IL23R: variants seen among roughly 807,000 people sequenced by gnomAD.
IL23R encodes the protein interleukin 23 receptor.
In IL23R, 34 loss-of-function variants were observed where a neutral mutation model predicts 56.9. That is an observed-to-expected ratio of 0.60 (90% confidence interval 0.45 to 0.80). IL23R has a LOEUF of 0.80. Among genes scored for constraint, IL23R ranks in the 30% least tolerant of loss-of-function variants. IL23R has a pLI of 0.00. For synonymous variants in IL23R, 230 were observed against 249.2 expected, an observed-to-expected ratio of 0.92 and a Z score of 0.73; for missense variants, 635 against 730.0, an observed-to-expected ratio of 0.87 and a Z score of 1.50.
rs188294521 is a variant in IL23R at position 67,238,615 on chromosome 1, G to A, written c.1046-1564G>A. Among the ~76,000 whole-genome samples, 46 of 152,188 alleles carry A rather than the reference G, an allele frequency of 3.0e-4. 1 individual carries two copies. Among genetic ancestry groups the A allele is most frequent in the African/African-American group, 1.1e-3 (45 of 41,518 alleles). On this transcript the variant is annotated intron_variant, in intron 8 of 10. Transcript: ENST00000347310. ...AGCAAGTTCATAATTATGCCCCAAG[G>A]TCACAGAGCTGATAAGAGGCAGAGT...
At chr1:67,176,857 T>C (rs934516796) in intron 3 of IL23R, among the ~76,000 whole-genome samples, 1 of 152,164 alleles carries the variant, frequency 6.6e-6, no homozygotes, top group African/African-American at 2.4e-5. Flanking sequence ...CATTGTTCAG[T>C]TCCCACCTAT....
intron 4 of IL23R, among the ~76,000 whole-genome samples, chr1:67,190,200 T>C (rs1384633357): frequency 3.9e-5 from 6 of 152,220 alleles, no homozygotes; most frequent in Non-Finnish European, 8.8e-5. Context: ...TGAGACCACC[T>C]ACTCATTTCT....
At chr1:67,227,129 C>A (rs1039832218) in intron 7 of IL23R, among the ~76,000 whole-genome samples, 2 of 152,070 alleles carry the variant, frequency 1.3e-5, no homozygotes, top group African/African-American at 4.8e-5. Context: ...GGAAAGAGCC[C>A]CAAAGGGGAA....
chr1:67,183,076 T>A (rs554677996), intron 4 of IL23R, 117 bp downstream of exon 4: 3 of 1,148,332 alleles, frequency 2.6e-6, no homozygotes, highest in Non-Finnish European at 3.8e-6. Flanking sequence ...CCCTGATTTA[T>A]CCCTTATTTC....
chr1:67,239,326 C>T (rs1163464962), intron 8 of IL23R, among the ~76,000 whole-genome samples: 10 of 152,164 alleles, frequency 6.6e-5, no homozygotes, highest in East Asian at 1.9e-4. Flanking sequence ...TGCAGCGGCA[C>T]GACCTCAGCT....
At chr1:67,206,350 G>A (rs572470179) in intron 5 of IL23R, among the ~76,000 whole-genome samples, 63 of 151,606 alleles carry the variant, frequency 4.2e-4, no homozygotes, top group East Asian at 1.4e-3. Context: ...TCATTCTGTC[G>A]TCCAGGGTGG....
intron 7 of IL23R, among the ~76,000 whole-genome samples, chr1:67,235,454 C>T (rs1651412751): frequency 6.6e-6 from 1 of 151,096 alleles, no homozygotes; most frequent in Non-Finnish European, 1.5e-5. Context: ...AGTGCTATGG[C>T]ACGATCTAGA....
chr1:67,219,611 A>T lies in IL23R; in HGVS notation c.836A>T (p.Gln279Leu), dbSNP rs1650110583. 2.5e-6 allele frequency: 4 copies of T among 1,614,106 alleles called. No homozygotes were observed. The East Asian group carries it at 8.9e-5, about 36-fold the overall frequency. Residue 279 changes from glutamine (Q) to leucine (L), a missense_variant, in exon 7 of 11, where the codon CAG (glutamine) becomes CTG (leucine). Transcript: ENST00000347310. Reference sequence around the variant, plus strand: ...GACACCAATTTTACATATGTGCAACAGTCAGAATTCTACTTGGAGCCAAAC... The same window carrying T: ...GACACCAATTTTACATATGTGCAACTGTCAGAATTCTACTTGGAGCCAAAC... ...EFDTNFTYVQ[Q>L]SEFYLEPNIK...
chr1:67,210,845 T>C (rs1649421686), intron 6 of IL23R, among the ~76,000 whole-genome samples: 1 of 152,204 alleles, frequency 6.6e-6, no homozygotes, highest in Non-Finnish European at 1.5e-5. Context: ...TAAAGTGATA[T>C]GTATTTAACA....
chr1:67,178,686 C>T (rs10789227), intron 3 of IL23R, among the ~76,000 whole-genome samples: 134,377 of 152,236 alleles, frequency 0.88, 59,366 homozygotes, highest in East Asian at 1. Context: ...AGGGCATCCC[C>T]ATCTTGTGCC....
At chr1:67,241,619 G>A (rs1651860747) in intron 9 of IL23R, among the ~76,000 whole-genome samples, 1 of 152,114 alleles carries the variant, frequency 6.6e-6, no homozygotes, top group Admixed American at 6.5e-5. Flanking sequence ...CATAGGTTAT[G>A]GTGTCCTGAT....
intron 1 of IL23R, among the ~76,000 whole-genome samples, chr1:67,157,806 TG>T (rs565532889): frequency 3.1e-4 from 47 of 152,386 alleles, no homozygotes; most frequent in Admixed American, 3.0e-3. Flanking sequence ...TTTTACTTTC[TG>T]TCTCTCTTCT....
At chr1:67,196,143 T>G (rs181642586) in intron 4 of IL23R, 152 of 152,426 alleles carry the variant, frequency 1.0e-3, no homozygotes, top group African/African-American at 3.5e-3. Flanking sequence ...GGTTAGAGTC[T>G]GCCTCAACAG....
intron 3 of IL23R, among the ~76,000 whole-genome samples, chr1:67,175,691 T>A (rs1405925837): frequency 1.3e-5 from 2 of 152,224 alleles, no homozygotes; most frequent in African/African-American, 2.4e-5. Context: ...CTGAGTAATA[T>A]CTTATTGCAT....
chr1:67,165,448 G>A (rs763124370), upstream of IL23R, among the ~76,000 whole-genome samples: 1 of 152,138 alleles, frequency 6.6e-6, no homozygotes, highest in Non-Finnish European at 1.5e-5. Context: ...TTAGGATCCA[G>A]CAATCCCTCT....
In IL23R at chr1:67,240,216, C is replaced by T. The variant is rs777710668; in HGVS notation, c.1083C>T (p.Ile361=). The change falls in exon 9 of 11, where the codon ATC becomes ATT. Residue 361 remains isoleucine (I), a synonymous_variant. Coordinates refer to ENST00000347310, the MANE Select transcript of IL23R (RefSeq NM_144701.3). ...ACATTGGACTTTTATTGGGAATGAT[C>T]GTCTTTGCTGTTATGTTGTCAATTC... ...RGDIGLLLGM[I]VFAVMLSILS... is the part of the protein sequence containing the mutation. 2 of 1,612,564 alleles carry T rather than the reference C, an allele frequency of 1.2e-6. No individual in the cohort carries two copies. Among genetic ancestry groups the T allele is most frequent in the South Asian group, 1.1e-5 (1 of 91,036 alleles).
chr1:67,179,691 G>A (rs897691564), intron 3 of IL23R, among the ~76,000 whole-genome samples: 3 of 152,092 alleles, frequency 2.0e-5, no homozygotes, highest in African/African-American at 7.2e-5. Context: ...TGCTTCTCCA[G>A]TTCTTTTAAT....
intron 1 of IL23R, among the ~76,000 whole-genome samples, chr1:67,154,229 T>G (rs922860685): frequency 6.6e-6 from 1 of 152,212 alleles, no homozygotes; most frequent in African/African-American, 2.4e-5. Context: ...AGAATGTATA[T>G]TCTGTTGATT....
intron 6 of IL23R, among the ~76,000 whole-genome samples, chr1:67,209,388 A>G (rs1649295386): frequency 6.6e-6 from 1 of 152,198 alleles, no homozygotes; most frequent in Non-Finnish European, 1.5e-5. Flanking sequence ...CTTGAATTGT[A>G]TCTCCCAGAA....
Sources: allele counts gnomAD v4.1 joint callset (sites outside exome capture counted in the v4.1 genomes callset), GRCh38; gene constraint gnomAD v4.1.1; transcripts MANE v1.5; gene names NCBI Gene and HGNC (gene_info 2026-07-23, HGNC 2026-07-21).